PRKN: variants seen among roughly 807,000 people sequenced by gnomAD.
The protein encoded by PRKN is parkin RBR E3 ubiquitin protein ligase.
In PRKN, 56 loss-of-function variants were observed where a neutral mutation model predicts 59.5. The ratio of observed to expected loss-of-function variants is 0.94; its 90% CI spans 0.76 to 1.18. PRKN has a LOEUF of 1.18. PRKN is among the 50% of genes most tolerant of loss of function. The probability of loss-of-function intolerance (pLI) is 0.00; values close to 1 mark genes in which losing one functional copy is unlikely to be tolerated. For synonymous variants in PRKN, 250 were observed against 222.1 expected, an observed-to-expected ratio of 1.13 and a Z score of -1.12; for missense variants, 657 against 596.4, an observed-to-expected ratio of 1.10 and a Z score of -1.06.
At chr6:161,816,882 G>C (rs181757231) in intron 6 of PRKN, among the ~76,000 whole-genome samples, 1 of 152,044 alleles carries the variant, frequency 6.6e-6, no homozygotes, top group African/African-American at 2.4e-5. Flanking sequence ...AAGAGAACAG[G>C]GTTCAGTATA....
At chr6:161,910,495 C>G (rs1778318781) in intron 6 of PRKN, among the ~76,000 whole-genome samples, 2 of 152,058 alleles carry the variant, frequency 1.3e-5, no homozygotes, top group Admixed American at 1.3e-4. Flanking sequence ...CCTCAGGTGA[C>G]CCACCCAGCT....
At chr6:161,425,124 T>C (rs1788274854) in intron 9 of PRKN, among the ~76,000 whole-genome samples, 1 of 152,108 alleles carries the variant, frequency 6.6e-6, no homozygotes, top group African/African-American at 2.4e-5. Flanking sequence ...CTGTCTCCTC[T>C]CTCTCACACA....
chr6:161,961,878 A>G (rs975040870), intron 6 of PRKN, among the ~76,000 whole-genome samples: 2 of 152,344 alleles, frequency 1.3e-5, no homozygotes, highest in South Asian at 4.1e-4. Flanking sequence ...CTGATATAAT[A>G]GAATGCTGGT....
intron 9 of PRKN, among the ~76,000 whole-genome samples, chr6:161,416,838 T>G (rs906292793): frequency 6.6e-6 from 1 of 152,184 alleles, no homozygotes; most frequent in Non-Finnish European, 1.5e-5. Flanking sequence ...CCCAGGGGCC[T>G]TGGCGTTTTG....
chr6:161,585,854 T>A (rs1018935972), intron 7 of PRKN, among the ~76,000 whole-genome samples: 2 of 152,178 alleles, frequency 1.3e-5, no homozygotes, highest in African/African-American at 4.8e-5. Context: ...GCAGGTTCAA[T>A]ACACAGCTGA....
At chr6:162,376,576 G>T (rs1786098907) in intron 2 of PRKN, among the ~76,000 whole-genome samples, 1 of 151,428 alleles carries the variant, frequency 6.6e-6, no homozygotes, top group Non-Finnish European at 1.5e-5. Context: ...AATACCTGGG[G>T]CCAGGGGCCT....
chr6:161,873,179 G>T (rs1794414764), intron 6 of PRKN, among the ~76,000 whole-genome samples: 1 of 151,930 alleles, frequency 6.6e-6, no homozygotes, highest in South Asian at 2.1e-4. Context: ...GTCAGTGTGT[G>T]TCTCTTCCTT....
intron 9 of PRKN, among the ~76,000 whole-genome samples, chr6:161,450,705 C>T (rs1026287135): frequency 2.0e-4 from 31 of 151,954 alleles, no homozygotes; most frequent in Non-Finnish European, 3.1e-4. Flanking sequence ...TACAGGTGCC[C>T]GCCACCACAC....
At position 161,391,635 on chromosome 6, in the gene PRKN, A is replaced by G. The variant is rs1786508251; in HGVS notation, c.1084-4758T>C. ...ATGGTCCTCAGTTACTCAAGCAGAC[A>G]CTAATCTTGGTGTTTCTGTGAAGCT... On this transcript the variant is annotated intron_variant, in intron 9 of 11. Transcript: ENST00000366898. This position sits in a 1 kb window ranked among gnomAD's most constrained non-coding sequence, Gnocchi z 4.9. Among the ~76,000 whole-genome samples, 1 of 152,060 alleles carries G rather than the reference A, an allele frequency of 6.6e-6. No homozygotes were observed. Among genetic ancestry groups the G allele is most frequent in the Non-Finnish European group, 1.5e-5 (1 of 68,024 alleles).
At chr6:162,135,241 A>C (rs1251321832) in intron 4 of PRKN, among the ~76,000 whole-genome samples, 1 of 152,042 alleles carries the variant, frequency 6.6e-6, no homozygotes, top group Non-Finnish European at 1.5e-5. Flanking sequence ...GGCTCAAGAG[A>C]TCTTCCTGTC....
intron 6 of PRKN, among the ~76,000 whole-genome samples, chr6:161,815,758 C>T (rs2155488): frequency 2.0e-5 from 3 of 151,896 alleles, no homozygotes; most frequent in Non-Finnish European, 4.4e-5. Context: ...GAATTGAACC[C>T]ACAGGTCTGT....
chr6:162,319,713 A>G (rs1282708469), intron 2 of PRKN, among the ~76,000 whole-genome samples: 2 of 152,044 alleles, frequency 1.3e-5, no homozygotes, highest in Non-Finnish European at 2.9e-5. Flanking sequence ...AATCACTAAT[A>G]TACTAACATT....
chr6:161,765,379 CATT>C (rs1455132439), intron 7 of PRKN, among the ~76,000 whole-genome samples: 1 of 152,156 alleles, frequency 6.6e-6, no homozygotes, highest in Non-Finnish European at 1.5e-5. Flanking sequence ...TTGCAAATCT[CATT>C]ATCAGCTTTA....
chr6:162,618,065 A>G (rs1782505429), intron 1 of PRKN, among the ~76,000 whole-genome samples: 1 of 152,200 alleles, frequency 6.6e-6, no homozygotes, highest in Non-Finnish European at 1.5e-5. Flanking sequence ...GTTAGTGTTA[A>G]ACATTATTCT....
At chr6:162,166,344 G>A (rs1232551005) in intron 4 of PRKN, among the ~76,000 whole-genome samples, 1 of 152,094 alleles carries the variant, frequency 6.6e-6, no homozygotes, top group Admixed American at 6.6e-5. Context: ...AGAAATTGTG[G>A]TGGAAAAAAA....
At chr6:162,236,920 GAGAA>G (rs1401530211) in intron 3 of PRKN, among the ~76,000 whole-genome samples, 2 of 151,452 alleles carry the variant, frequency 1.3e-5, no homozygotes, top group African/African-American at 4.9e-5. Context: ...AGGAAGGAGA[GAGAA>G]AGAAGAAAGA....
chr6:161,721,093 T>A (rs1787202561), intron 7 of PRKN, among the ~76,000 whole-genome samples: 1 of 152,186 alleles, frequency 6.6e-6, no homozygotes, highest in Non-Finnish European at 1.5e-5. Context: ...TGGGCAGAGG[T>A]CCCTCAAGTT....
chr6:161,660,809 T>C (rs771912451), intron 7 of PRKN, among the ~76,000 whole-genome samples: 1 of 152,202 alleles, frequency 6.6e-6, no homozygotes, highest in Non-Finnish European at 1.5e-5. Context: ...TTGATGATGA[T>C]GGCACGTCCT....
intron 6 of PRKN, among the ~76,000 whole-genome samples, chr6:161,832,644 A>G (rs1792554426): frequency 6.7e-6 from 1 of 148,578 alleles, no homozygotes; most frequent in South Asian, 2.1e-4. Flanking sequence ...AAAAAAAAAA[A>G]GATCAATATC....
Sources: allele counts gnomAD v4.1 joint callset (sites outside exome capture counted in the v4.1 genomes callset), GRCh38; gene constraint gnomAD v4.1.1; non-coding constraint Gnocchi (gnomAD v3.1); transcripts MANE v1.5; gene names NCBI Gene and HGNC (gene_info 2026-07-23, HGNC 2026-07-21).